ZDHHC3: variants seen among roughly 807,000 people sequenced by gnomAD.
The protein encoded by ZDHHC3 is zDHHC palmitoyltransferase 3, also known as palmitoyltransferase ZDHHC3.
ZDHHC3 carries 9 observed loss-of-function variants against 30.6 expected under a neutral mutation model. That is an observed-to-expected ratio of 0.29 (90% CI 0.18 to 0.51). The LOEUF (loss-of-function observed/expected upper bound fraction) is 0.51, where lower values mean the gene tolerates loss of function less well. Ranked by LOEUF, ZDHHC3 falls within the 20% of genes least tolerant of loss-of-function variation. The pLI is 0.97. For missense variants in ZDHHC3, 246 were observed against 384.2 expected (o/e 0.64, Z 3.01); for synonymous variants, 136 against 140.2 (o/e 0.97, Z 0.21).
chr3:44,918,212 C>T lies in ZDHHC3; in HGVS notation c.*8477G>A. 8.1e-7 allele frequency: 1 copy of T among 1,236,266 alleles called. No homozygotes were observed. The highest frequency in any genetic ancestry group is 1.0e-6 in the Non-Finnish European group (1 of 955,758). The allele number at this position is 1,236,266 out of a possible 1,614,324, so 76.6% of individuals were successfully genotyped here. On this transcript the variant is annotated 3_prime_UTR_variant, in exon 7 of 7. Transcript: ENST00000424952. The stretch of plus-strand genomic sequence containing the variant: ...GGCTGTACAGCTCACATAGACACCC[C>T]CAGCTATAGCATAGCAGTGGCGGGG...
intron 1 of ZDHHC3, among the ~76,000 whole-genome samples, chr3:44,964,451 A>G (rs1295545476): frequency 2.0e-5 from 3 of 152,192 alleles, no homozygotes; most frequent in Admixed American, 6.5e-5. Flanking sequence ...CTGTGGACAG[A>G]TGCAGGCTTT....
intron 1 of ZDHHC3, among the ~76,000 whole-genome samples, chr3:44,971,224 TG>T (rs1201368420): frequency 2.0e-5 from 3 of 152,226 alleles, no homozygotes; most frequent in African/African-American, 7.2e-5. Flanking sequence ...CCACTGACCT[TG>T]AATAGGAAAT....
chr3:44,976,150 T>A lies in ZDHHC3; in HGVS notation c.-242A>T. 2 of 737,320 alleles carry A rather than the reference T, an allele frequency of 2.7e-6. No homozygotes were observed. The highest frequency in any genetic ancestry group is 3.7e-5 in the East Asian group (1 of 27,018). The allele number at this position is 737,320 out of a possible 1,614,324, so 45.7% of individuals were successfully genotyped here. ...TCCCGGCAGTGGCGGCGGCCGCGGCTGCAGGAGCGGCCGCCGCGCAGGTTG... is the reference window on the plus strand; with the variant it reads ...TCCCGGCAGTGGCGGCGGCCGCGGCAGCAGGAGCGGCCGCCGCGCAGGTTG... On this transcript the variant is annotated 5_prime_UTR_variant, in exon 1 of 7. Transcript: ENST00000424952.
chr3:44,939,981 G>T (rs1234147629), intron 3 of ZDHHC3, among the ~76,000 whole-genome samples: 1 of 152,202 alleles, frequency 6.6e-6, no homozygotes, highest in Non-Finnish European at 1.5e-5. Context: ...ATCCCACGTG[G>T]CTGGAGGCAC....
intron 1 of ZDHHC3, among the ~76,000 whole-genome samples, chr3:44,965,254 G>A (rs1003068982): frequency 4.6e-5 from 7 of 152,118 alleles, no homozygotes; most frequent in Non-Finnish European, 8.8e-5. Context: ...CATAACACAC[G>A]TGCTTCATTA....
At chr3:44,965,936 A>T (rs1197000902) in intron 1 of ZDHHC3, among the ~76,000 whole-genome samples, 1 of 152,220 alleles carries the variant, frequency 6.6e-6, no homozygotes, top group Non-Finnish European at 1.5e-5. Flanking sequence ...ACATTCTCAC[A>T]TCCACATGAA....
intron 5 of ZDHHC3, among the ~76,000 whole-genome samples, chr3:44,932,372 T>C (rs1653663858): frequency 6.6e-6 from 1 of 152,010 alleles, no homozygotes; most frequent in Non-Finnish European, 1.5e-5. Context: ...CTAAAGACAG[T>C]GAAATAAAAA....
intron 6 of ZDHHC3, among the ~76,000 whole-genome samples, chr3:44,928,540 C>A (rs1289060919): frequency 6.6e-6 from 1 of 152,168 alleles, no homozygotes; most frequent in Non-Finnish European, 1.5e-5. Context: ...TCCTCACACC[C>A]AGAGCTAAGT....
At chr3:44,965,870 G>C (rs79952825) in intron 1 of ZDHHC3, among the ~76,000 whole-genome samples, 1 of 152,138 alleles carries the variant, frequency 6.6e-6, no homozygotes, top group East Asian at 1.9e-4. Flanking sequence ...CCAAATCTTT[G>C]GAAGCACCTC....
At chr3:44,973,549 C>T (rs1705584235) in intron 1 of ZDHHC3, among the ~76,000 whole-genome samples, 1 of 152,126 alleles carries the variant, frequency 6.6e-6, no homozygotes, top group East Asian at 1.9e-4. Context: ...ACCTCCGCCT[C>T]CTGGGTTCAA....
At chr3:44,948,413 C>T (rs562702656) in intron 2 of ZDHHC3, among the ~76,000 whole-genome samples, 1 of 152,296 alleles carries the variant, frequency 6.6e-6, no homozygotes, top group East Asian at 1.9e-4. Flanking sequence ...GTGAAAATGA[C>T]TCACAGTGGA....
chr3:44,961,548 G>A (rs749218518), intron 1 of ZDHHC3, among the ~76,000 whole-genome samples: 5 of 152,176 alleles, frequency 3.3e-5, no homozygotes, highest in Non-Finnish European at 5.9e-5. Flanking sequence ...AAAAGATGCA[G>A]GCCCACCTTC....
At chr3:44,943,939 G>A (rs1702670046) in intron 3 of ZDHHC3, among the ~76,000 whole-genome samples, 1 of 152,138 alleles carries the variant, frequency 6.6e-6, no homozygotes, top group Non-Finnish European at 1.5e-5. Context: ...AGTGAGCTAT[G>A]AGCTTGCATG....
chr3:44,939,762 C>A (rs940032108), intron 3 of ZDHHC3, among the ~76,000 whole-genome samples: 1 of 152,200 alleles, frequency 6.6e-6, no homozygotes, highest in Admixed American at 6.5e-5. Flanking sequence ...TGCCAGGAAG[C>A]TGGGTTTCCC....
chr3:44,927,069 A>C (rs981859352), intron 6 of ZDHHC3, among the ~76,000 whole-genome samples: 3 of 152,208 alleles, frequency 2.0e-5, no homozygotes, highest in Non-Finnish European at 4.4e-5. Flanking sequence ...AGGGAAAAAG[A>C]AGCACTATCA....
Position 44,923,915 on chromosome 3 carries a change from C to T in ZDHHC3, c.*2774G>A. 1.0e-6 allele frequency: 1 copy of T among 985,434 alleles called. No individual in the cohort carries two copies. The allele number at this position is 985,434 out of a possible 1,614,324, so 61.0% of individuals were successfully genotyped here. A position where few individuals can be genotyped will look rare whatever the true frequency, so the allele number is the denominator to read the frequency against. ...TTTGTGTACATGATATTACCAAGCC[C>T]ATGCAAATATGCATAGATTATAGAT... is the stretch of plus-strand genomic sequence containing the variant. On this transcript the variant is annotated 3_prime_UTR_variant, in exon 7 of 7. Coordinates refer to ENST00000424952, the MANE Select transcript of ZDHHC3 (RefSeq NM_001135179.2).
chr3:44,962,310 T>G (rs975361021), intron 1 of ZDHHC3, among the ~76,000 whole-genome samples: 1 of 152,184 alleles, frequency 6.6e-6, no homozygotes, highest in Non-Finnish European at 1.5e-5. Flanking sequence ...CAATTCCTCA[T>G]TCTTGATTGT....
At chr3:44,971,592 T>C (rs1443015302) in intron 1 of ZDHHC3, among the ~76,000 whole-genome samples, 1 of 152,216 alleles carries the variant, frequency 6.6e-6, no homozygotes, top group Non-Finnish European at 1.5e-5. Context: ...TTACTTTCCA[T>C]GGCTATCAGG....
Position 44,951,939 on chromosome 3 carries a change from C to T in ZDHHC3, c.307-6647G>A, listed in dbSNP as rs1054187560. On this transcript the variant is annotated intron_variant, in intron 2 of 6. Coordinates refer to ENST00000424952, the MANE Select transcript of ZDHHC3 (RefSeq NM_001135179.2). The stretch of plus-strand genomic sequence containing the variant: ...CAGGCTACTGGTGTTCCTCAGGGTT[C>T]AGGGTTTCACCCCAAGACTCCTTCC... Among the ~76,000 whole-genome samples, 12 of 152,256 alleles carry T rather than the reference C, an allele frequency of 7.9e-5. No individual in the cohort carries two copies. The South Asian group carries it at 1.7e-3, about 21-fold the overall frequency.
Sources: allele counts gnomAD v4.1 joint callset (sites outside exome capture counted in the v4.1 genomes callset), GRCh38; gene constraint gnomAD v4.1.1; transcripts MANE v1.5; gene names NCBI Gene and HGNC (gene_info 2026-07-23, HGNC 2026-07-21).